Variants in ZFHX3 observed in about 807,000 individuals in gnomAD.
The protein encoded by ZFHX3 is zinc finger homeobox protein 3.
In ZFHX3, 42 loss-of-function variants were observed where a neutral mutation model predicts 279.1. The ratio of observed to expected loss-of-function variants is 0.15; its 90% confidence interval spans 0.12 to 0.19. The LOEUF is 0.19. Ranked by LOEUF, ZFHX3 falls within the 10% of genes least tolerant of loss-of-function variation. The pLI, the probability that ZFHX3 is intolerant of heterozygous loss-of-function variation, is 1.00. For synonymous variants in ZFHX3, 2,293 were observed against 1,957.8 expected (o/e 1.17, Z -4.52); for missense variants, 4,981 against 4,754.0 (o/e 1.05, Z -1.40).
chr16:73,599,684 T>C (rs538714662), intron 2 of ZFHX3, among the ~76,000 whole-genome samples: 50 of 150,596 alleles, frequency 3.3e-4, no homozygotes, highest in African/African-American at 1.1e-3. Flanking sequence ...TTGAGAACTA[T>C]ATAAATGGTT....
intron 5 of ZFHX3, among the ~76,000 whole-genome samples, chr16:73,179,763 G>A (rs1967749759): frequency 6.6e-6 from 1 of 152,142 alleles, no homozygotes; most frequent in African/African-American, 2.4e-5. Context: ...GAAATCCACT[G>A]GGCCCTATCA....
intron 2 of ZFHX3, among the ~76,000 whole-genome samples, chr16:73,665,544 G>T (rs1434147316): frequency 6.6e-6 from 1 of 151,794 alleles, no homozygotes; most frequent in Non-Finnish European, 1.5e-5. Context: ...AGAGGATGCT[G>T]AGACCCAGGA....
At chr16:73,548,684 A>G (rs2020160853) in intron 2 of ZFHX3, among the ~76,000 whole-genome samples, 1 of 152,198 alleles carries the variant, frequency 6.6e-6, no homozygotes, top group South Asian at 2.1e-4. Flanking sequence ...CATGGTATAT[A>G]CAACGTATTC....
chr16:73,712,765 T>C (rs756252013), intron 1 of ZFHX3, among the ~76,000 whole-genome samples: 48 of 152,192 alleles, frequency 3.2e-4, no homozygotes, highest in Admixed American at 1.8e-3. Context: ...CCTAGGTATT[T>C]CTTTGTTTTC....
rs1156993087 is a variant in ZFHX3, at chr16:72,795,626, G to A, written c.7056C>T (p.Tyr2352=). The change falls in exon 9 of 10, where the codon TAC becomes TAT. Residue 2352 remains tyrosine (Y), a synonymous_variant. Transcript: ENST00000268489. The stretch of plus-strand genomic sequence containing the variant: ...CCTGCCCCTCCTCATCCTCATCCTT[G>A]TAACACAGCTTCTTCTGGTGCTTGA... The part of the protein sequence containing the change: ...DLIKHQKKLC[Y]KDEDEEGQDD... 6.2e-6 allele frequency: 10 copies of A among 1,613,720 alleles called. No homozygotes were observed. Among genetic ancestry groups the A allele is most frequent in the Non-Finnish European group, 7.6e-6 (9 of 1,179,860 alleles).
At chr16:73,260,567 G>A (rs2013790860) in intron 4 of ZFHX3, among the ~76,000 whole-genome samples, 1 of 151,284 alleles carries the variant, frequency 6.6e-6, no homozygotes, top group African/African-American at 2.4e-5. Context: ...TTCATCTTCT[G>A]TTTTCCCAGC....
intron 1 of ZFHX3, among the ~76,000 whole-genome samples, chr16:73,843,550 C>G (rs929606332): frequency 6.6e-6 from 1 of 152,208 alleles, no homozygotes; most frequent in African/African-American, 2.4e-5. Flanking sequence ...ACCAACTTAA[C>G]ACATATTCCA....
At chr16:73,647,424 G>C (rs973331491) in intron 2 of ZFHX3, among the ~76,000 whole-genome samples, 4 of 152,136 alleles carry the variant, frequency 2.6e-5, no homozygotes, top group Non-Finnish European at 5.9e-5. Context: ...GTGATAGTGA[G>C]TTCTCGTCAG....
At chr16:72,955,649 G>A (rs979890936) in intron 2 of ZFHX3, among the ~76,000 whole-genome samples, 6 of 151,846 alleles carry the variant, frequency 4.0e-5, no homozygotes, top group Non-Finnish European at 7.4e-5. Context: ...ATGGTGGCGG[G>A]TGCCTGTAAT....
chr16:73,886,844 A>C (rs1214268358), intron 1 of ZFHX3, among the ~76,000 whole-genome samples: 1 of 152,214 alleles, frequency 6.6e-6, no homozygotes, highest in Non-Finnish European at 1.5e-5. Flanking sequence ...TATCCTTAGC[A>C]ACTGGGTTAG....
At chr16:72,835,632 A>C (rs2037173285) in intron 4 of ZFHX3, among the ~76,000 whole-genome samples, 1 of 151,830 alleles carries the variant, frequency 6.6e-6, no homozygotes, top group Non-Finnish European at 1.5e-5. Context: ...GGCGGGGTAC[A>C]CTCTGACCAT....
intron 1 of ZFHX3, among the ~76,000 whole-genome samples, chr16:72,999,609 C>G (rs1963420392): frequency 6.6e-6 from 1 of 152,188 alleles, no homozygotes; most frequent in Non-Finnish European, 1.5e-5. Context: ...CAGTCCAGAT[C>G]TGGGCAGGAT....
At chr16:73,365,840 G>A (rs2016520174) in intron 3 of ZFHX3, among the ~76,000 whole-genome samples, 1 of 152,170 alleles carries the variant, frequency 6.6e-6, no homozygotes, top group Non-Finnish European at 1.5e-5. Flanking sequence ...CCCAGGTGCA[G>A]GCAAGAGGAA....
chr16:72,920,371 G>C (rs945998449), intron 3 of ZFHX3, among the ~76,000 whole-genome samples: 1 of 151,958 alleles, frequency 6.6e-6, no homozygotes, highest in Non-Finnish European at 1.5e-5. Flanking sequence ...TTATGATTAG[G>C]AATATAATCA....
At chr16:72,935,948 A>C (rs1960101412) in intron 3 of ZFHX3, among the ~76,000 whole-genome samples, 1 of 152,180 alleles carries the variant, frequency 6.6e-6, no homozygotes, top group Non-Finnish European at 1.5e-5. Flanking sequence ...TTTTGATGAG[A>C]GTGCTGGGGA....
chr16:73,442,971 A>G (rs1361411331), intron 3 of ZFHX3, among the ~76,000 whole-genome samples: 1 of 152,122 alleles, frequency 6.6e-6, no homozygotes, highest in African/African-American at 2.4e-5. Flanking sequence ...AAGCTGTCCA[A>G]TTTCCTCTTC....
intron 5 of ZFHX3, among the ~76,000 whole-genome samples, chr16:73,243,219 G>A (rs1261879904): frequency 6.6e-6 from 1 of 152,230 alleles, no homozygotes; most frequent in African/African-American, 2.4e-5. Flanking sequence ...GGCCTGGTGG[G>A]ATGGGTGTCC....
At chr16:72,809,588 T>C (rs1018095670) in intron 7 of ZFHX3, 5 of 152,242 alleles carry the variant, frequency 3.3e-5, no homozygotes, top group Admixed American at 1.3e-4. Context: ...GAGCTTCCCA[T>C]TGGCTGCTAA....
intron 1 of ZFHX3, among the ~76,000 whole-genome samples, chr16:73,871,542 T>C (rs1207157817): frequency 1.3e-5 from 2 of 151,360 alleles, no homozygotes. Context: ...TTGCCTGAAA[T>C]AGCCACAGGA....
Sources: allele counts gnomAD v4.1 joint callset (sites outside exome capture counted in the v4.1 genomes callset), GRCh38; gene constraint gnomAD v4.1.1; transcripts MANE v1.5; gene names NCBI Gene and HGNC (gene_info 2026-07-23, HGNC 2026-07-21).